Variants in RPTOR observed in about 807,000 individuals in gnomAD.
RPTOR encodes the protein regulatory-associated protein of mTOR.
A neutral mutation model predicts 169.9 loss-of-function variants in RPTOR; 21 were observed. The ratio of observed to expected loss-of-function variants is 0.12; its 90% CI spans 0.09 to 0.18. The LOEUF (loss-of-function observed/expected upper bound fraction) is 0.18. RPTOR is among the 10% of genes least tolerant of loss of function. The pLI is 1.00. For missense variants in RPTOR, 1,133 were observed against 1,855.9 expected (o/e 0.61, Z 7.16); for synonymous variants, 732 against 753.2 (o/e 0.97, Z 0.46).
intron 3 of RPTOR, among the ~76,000 whole-genome samples, chr17:80,686,754 T>C (rs2065951182): frequency 6.6e-6 from 1 of 152,136 alleles, no homozygotes; most frequent in African/African-American, 2.4e-5. Context: ...CAAAATCAGC[T>C]TTGTGAGAGG....
intron 7 of RPTOR, among the ~76,000 whole-genome samples, chr17:80,809,917 C>A (rs9913169): frequency 0.094 from 14,321 of 152,048 alleles, 1,077 homozygotes; most frequent in African/African-American, 0.21. Flanking sequence ...CACACCTGTA[C>A]TCCCAGCTAC....
chr17:80,760,637 C>T (rs1272209570), intron 6 of RPTOR, among the ~76,000 whole-genome samples: 4 of 144,156 alleles, frequency 2.8e-5, no homozygotes, highest in South Asian at 4.1e-4. Context: ...AGGCAGTTGG[C>T]CAGATTTGGC....
At position 80,965,660 on chromosome 17, in the gene RPTOR, G is replaced by A. The variant is rs1034082419; in HGVS notation, c.*1330G>A. The A allele has an allele frequency of 1.5e-4, 35 of 233,224 alleles. No individual in the cohort carries two copies. The highest frequency in any genetic ancestry group is 6.8e-4 in the African/African-American group (31 of 45,338). The allele number at this position is 233,224 out of a possible 1,614,324, so 14.4% of individuals were successfully genotyped here. ...GTGTGGCGAGGCCCGGCTCTCCTGC[G>A]GTGTGGCTGGTGGCCTGCCGTGGCC... On this transcript the variant is annotated 3_prime_UTR_variant, in exon 34 of 34. Transcript: ENST00000306801.
chr17:80,729,808 C>T (rs548908721), intron 4 of RPTOR, among the ~76,000 whole-genome samples: 2 of 152,246 alleles, frequency 1.3e-5, no homozygotes, highest in African/African-American at 2.4e-5. Flanking sequence ...AATGGAGACA[C>T]GGAGTGAAGA....
intron 3 of RPTOR, 32 bp downstream of exon 3, chr17:80,643,842 T>G: frequency 6.6e-7 from 1 of 1,521,158 alleles, no homozygotes; most frequent in South Asian, 1.1e-5. Context: ...TTCCCTTTCC[T>G]TCTTACAGGG....
intron 1 of RPTOR, among the ~76,000 whole-genome samples, chr17:80,601,136 G>A (rs1386080046): frequency 6.6e-6 from 1 of 152,204 alleles, no homozygotes; most frequent in Non-Finnish European, 1.5e-5. Flanking sequence ...ATGGGAGGAG[G>A]TGGTTTCTCA....
intron 6 of RPTOR, among the ~76,000 whole-genome samples, chr17:80,775,539 T>A (rs920388161): frequency 1.2e-4 from 18 of 152,204 alleles, no homozygotes; most frequent in Non-Finnish European, 2.4e-4. Context: ...GAGCCAGCCC[T>A]GGTTTCCCAC....
intron 5 of RPTOR, among the ~76,000 whole-genome samples, chr17:80,744,964 C>G (rs927563062): frequency 4.9e-5 from 7 of 142,324 alleles, no homozygotes; most frequent in Non-Finnish European, 1.0e-4. Flanking sequence ...GCCCTGGCTT[C>G]TAGCAGAGCC....
At chr17:80,927,931 G>C (rs564288789) in intron 24 of RPTOR, among the ~76,000 whole-genome samples, 2 of 152,252 alleles carry the variant, frequency 1.3e-5, no homozygotes, top group African/African-American at 4.8e-5. Context: ...AGGTCCTGCT[G>C]TGTGGACACT....
Position 80,855,532 on chromosome 17 carries a change from C to T in RPTOR, c.1383C>T (p.Pro461=). 1 of 1,613,594 alleles carries T rather than the reference C, an allele frequency of 6.2e-7. No individual in the cohort carries two copies. The highest frequency in any genetic ancestry group is 8.5e-7 in the Non-Finnish European group (1 of 1,179,482). ...DLLGRFLDLG[P]WAVSLALSVG... ...TTGGAAGATTTTTGGACCTGGGTCC[C>T]TGGGCAGTGAGCCTGGTGCGTGCCT... Residue 461 remains proline (P), a synonymous_variant, in exon 12 of 34, where the codon CCC becomes CCT. Coordinates refer to ENST00000306801, the MANE Select transcript of RPTOR (RefSeq NM_020761.3).
chr17:80,934,935 C>T (rs1320732328), intron 24 of RPTOR, among the ~76,000 whole-genome samples: 11 of 151,512 alleles, frequency 7.3e-5, no homozygotes, highest in Non-Finnish European at 2.9e-5. Flanking sequence ...GCCTGTAATC[C>T]AGCACTTTAG....
intron 13 of RPTOR, among the ~76,000 whole-genome samples, chr17:80,864,176 A>C (rs531264536): frequency 6.6e-6 from 1 of 152,220 alleles, no homozygotes; most frequent in Non-Finnish European, 1.5e-5. Context: ...AGAAAACTAC[A>C]CGAAGGCATA....
At chr17:80,749,961 A>G in intron 5 of RPTOR, among the ~76,000 whole-genome samples, 1 of 151,772 alleles carries the variant, frequency 6.6e-6, no homozygotes, top group East Asian at 1.9e-4. Flanking sequence ...AGCAATCCTC[A>G]CACCTCAGCC....
At chr17:80,684,737 G>C (rs899368919) in intron 3 of RPTOR, among the ~76,000 whole-genome samples, 3 of 152,056 alleles carry the variant, frequency 2.0e-5, no homozygotes, top group African/African-American at 7.2e-5. Context: ...GAGCCACTGC[G>C]CCCAGCCATG....
rs1176845043 is a variant in RPTOR at position 80,708,922 on chromosome 17, C to T, written c.507+923C>T. On this transcript the variant is annotated intron_variant, in intron 4 of 33. Transcript: ENST00000306801. The surrounding 1 kb of genome is among the most constrained non-coding windows in gnomAD (Gnocchi z 4.2). ...GCTTCTGCTTCCTTAGTGTGGACAC[C>T]GCCTCCTGCCATCATAGTGAGGACT... 7.1e-6 allele frequency: 7 copies of T among 985,494 alleles called. No individual in the cohort carries two copies. The highest frequency in any genetic ancestry group is 1.1e-4 in the East Asian group (1 of 8,804). 61.0% of individuals were successfully genotyped at this position (985,494 alleles called of 1,614,324 possible). A position where few individuals can be genotyped will look rare whatever the true frequency, so the allele number is the denominator to read the frequency against.
Position 80,821,041 on chromosome 17 carries a change from A to G in RPTOR, c.891-1160A>G, listed in dbSNP as rs543124404. 3.3e-5 allele frequency among the ~76,000 whole-genome samples: 5 copies of G among 152,360 alleles called. No individual in the cohort carries two copies. In the South Asian group the frequency reaches 1.0e-3, roughly 32 times the overall value. ...CTCAATTTCTCCTTTTTCTTGCCCTATCACTGAACCTATTTTGAGGAAATA... is the reference window on the plus strand; with the variant it reads ...CTCAATTTCTCCTTTTTCTTGCCCTGTCACTGAACCTATTTTGAGGAAATA... On this transcript the variant is annotated intron_variant, in intron 7 of 33. Transcript: ENST00000306801.
intron 3 of RPTOR, among the ~76,000 whole-genome samples, chr17:80,676,526 C>A (rs776863424): frequency 1.3e-5 from 2 of 152,198 alleles, no homozygotes; most frequent in African/African-American, 4.8e-5. Flanking sequence ...GAGGCAGCAC[C>A]AGCTCCTGGG....
chr17:80,709,399 GAGC>G (rs996033315), intron 4 of RPTOR, among the ~76,000 whole-genome samples: 10 of 152,324 alleles, frequency 6.6e-5, no homozygotes, highest in African/African-American at 2.4e-4. Flanking sequence ...CTCCTCTGTG[GAGC>G]CCCCGGTGTG....
At chr17:80,744,843 ACT>A (rs2066551030) in intron 5 of RPTOR, among the ~76,000 whole-genome samples, 2 of 67,266 alleles carry the variant, frequency 3.0e-5, no homozygotes, top group Middle Eastern at 7.2e-3. Flanking sequence ...GGTTACTAGC[ACT>A]GTCCTGGCTA....
Sources: gnomAD v4.1 joint callset for allele counts (sites outside exome capture counted in the v4.1 genomes callset) on GRCh38, gnomAD v4.1.1 for gene constraint, Gnocchi (gnomAD v3.1) non-coding constraint, MANE v1.5 for transcripts, NCBI Gene and HGNC (gene_info 2026-07-23, HGNC 2026-07-21) for gene names.